Variants in COPB2 observed in about 807,000 individuals in gnomAD.
The protein encoded by COPB2 is coatomer subunit beta'.
COPB2 carries 16 observed loss-of-function variants against 120.8 expected under a neutral mutation model. That is an observed-to-expected ratio of 0.13 (90% CI 0.09 to 0.20). The LOEUF (loss-of-function observed/expected upper bound fraction) is 0.20. COPB2 is among the 10% of genes least tolerant of loss of function. The pLI is 1.00. For synonymous variants in COPB2, 332 were observed against 366.3 expected (o/e 0.91, Z 1.07); for missense variants, 794 against 1,076.5 (o/e 0.74, Z 3.67).
In COPB2 at chr3:139,369,544, C is replaced by T. The variant is rs764862113; in HGVS notation, c.1206G>A (p.Glu402=). The T allele has an allele frequency of 2.5e-6, 4 of 1,584,272 alleles. No individual in the cohort carries two copies. Among genetic ancestry groups the T allele is most frequent in the South Asian group, 1.2e-5 (1 of 86,188 alleles). Residue 402 remains glutamate, a splice_region_variant and synonymous_variant, in exon 11 of 22, where the codon GAG becomes GAA. Transcript: ENST00000333188. ...QEFAWAHDSS[E]YAIRESNSIV... is the part of the protein sequence containing the mutation. The stretch of plus-strand genomic sequence containing the variant: ...TGCTGTTGCTCTCTCTTATTGCATA[C>T]CTGGGAGAAAAAAGGGAAGGCAAAC...
intron 10 of COPB2, among the ~76,000 whole-genome samples, chr3:139,370,974 C>T (rs773177869): frequency 3.9e-5 from 6 of 152,158 alleles, no homozygotes; most frequent in Admixed American, 6.5e-5. Context: ...TATTACACAA[C>T]GCTGAGGCTT....
Position 139,367,024 on chromosome 3 carries a change from T to G in COPB2, c.1667A>C (p.His556Pro). The change falls in exon 14 of 22, where the codon CAC becomes CCC. Residue 556 changes from histidine (H) to proline (P), a missense_variant. Physicochemically the swap from His to Pro is moderately conservative, Grantham distance 77. Transcript: ENST00000333188. ...AATGATACTCAGGTACCTGTCCAAGTGGGCAATGGTGACTATTTCTCCTCC... is the reference window on the plus strand; with the variant it reads ...AATGATACTCAGGTACCTGTCCAAGGGGGCAATGGTGACTATTTCTCCTCC... ...YVGGEIVTIA[H>P]LDRTMYLLGY... 1 of 1,609,504 alleles carries G rather than the reference T, an allele frequency of 6.2e-7. No individual in the cohort carries two copies. The highest frequency in any genetic ancestry group is 8.5e-7 in the Non-Finnish European group (1 of 1,178,768).
intron 5 of COPB2, among the ~76,000 whole-genome samples, chr3:139,376,666 G>A (rs1048791088): frequency 2.0e-5 from 3 of 152,192 alleles, no homozygotes; most frequent in Non-Finnish European, 4.4e-5. Flanking sequence ...TACTAACAGT[G>A]TTTTATATAG....
At chr3:139,374,302 GA>G (rs1941678680) in intron 7 of COPB2, 186 bp downstream of exon 7, 1 of 411,526 alleles carries the variant, frequency 2.4e-6, no homozygotes, top group Non-Finnish European at 4.6e-6. Context: ...TGATGACGAT[GA>G]TGATGATGAT....
intron 21 of COPB2, 80 bp from the exon 22 acceptor site, chr3:139,358,038 G>A (rs113444779): frequency 1.9e-6 from 2 of 1,035,526 alleles, no homozygotes; most frequent in African/African-American, 3.2e-5. Flanking sequence ...GATTCAAAGT[G>A]AGAACTAAGA....
chr3:139,375,402 A>G, intron 6 of COPB2, 66 bp downstream of exon 6: 1 of 1,511,934 alleles, frequency 6.6e-7, no homozygotes, highest in Non-Finnish European at 8.9e-7. Flanking sequence ...CCAAGTCTTA[A>G]CTGTCCTATA....
intron 7 of COPB2, chr3:139,374,193 C>T: frequency 2.4e-6 from 1 of 424,054 alleles, no homozygotes; most frequent in Non-Finnish European, 4.2e-6. Flanking sequence ...TGATTTTGAA[C>T]CCAGGTTTGT....
At chr3:139,373,111 G>A in intron 9 of COPB2, 102 bp downstream of exon 9, 2 of 1,149,282 alleles carry the variant, frequency 1.7e-6, no homozygotes, top group South Asian at 2.6e-5. Context: ...GCACATTGAG[G>A]AATGATTAGA....
chr3:139,377,977 A>T, intron 5 of COPB2, 64 bp downstream of exon 5: 1 of 1,394,594 alleles, frequency 7.2e-7, no homozygotes, highest in Non-Finnish European at 9.5e-7. Context: ...AGTCAACAGT[A>T]AAACACCTAA....
chr3:139,378,319 C>A, intron 4 of COPB2, 130 bp from the exon 5 acceptor site: 1 of 834,234 alleles, frequency 1.2e-6, no homozygotes, highest in African/African-American at 1.7e-5. Context: ...AGAATCAAAA[C>A]CAAATAGAGT....
Position 139,369,512 on chromosome 3 carries a change from T to A in COPB2, c.1238A>T (p.Lys413Met), listed in dbSNP as rs1941584296. ...TTTTTCCTTAAAGTTCTTAAATATC[T>A]TTACAATGCTGTTGCTCTCTCTTAT... Reference protein sequence around the residue: ...YAIRESNSIVKIFKNFKEKKS... With the variant: ...YAIRESNSIVMIFKNFKEKKS... Residue 413 changes from lysine to methionine, a missense_variant, in exon 11 of 22, where the codon AAG becomes ATG. By Grantham distance (95) the Lys-to-Met change is moderately conservative. Around this residue, in one of 3 missense-constraint regions of COPB2, gnomAD observed 610 missense variants for 866.7 expected, o/e 0.70. Transcript: ENST00000333188. 1 of 1,611,876 alleles carries A rather than the reference T, an allele frequency of 6.2e-7. No individual in the cohort carries two copies. Among genetic ancestry groups the A allele is most frequent in the African/African-American group, 1.3e-5 (1 of 74,844 alleles).
In COPB2 at chr3:139,366,456, T is replaced by C. The variant is rs1013144784; in HGVS notation, c.1884+112A>G. On this transcript the variant is annotated intron_variant, in intron 15 of 21. Coordinates refer to ENST00000333188, the MANE Select transcript of COPB2 (RefSeq NM_004766.3). ...CCTTAAACTCACAGGAGAAATTCTA[T>C]TGCCACAGGAAATCAGTTGGCAATT... The C allele has an allele frequency of 2.7e-5, 26 of 956,494 alleles. No homozygotes were observed. In the East Asian group the frequency reaches 5.0e-4, roughly 18 times the overall value. 59.3% of individuals were successfully genotyped at this position (956,494 alleles called of 1,614,324 possible). A position where few individuals can be genotyped will look rare whatever the true frequency, so the allele number is the denominator to read the frequency against.
At chr3:139,366,191 T>TA (rs1464993298) in intron 15 of COPB2, among the ~76,000 whole-genome samples, 1 of 152,204 alleles carries the variant, frequency 6.6e-6, no homozygotes, top group Non-Finnish European at 1.5e-5. Context: ...TAACTTTGCT[T>TA]AAAAAACATT....
chr3:139,389,476 C>A, intron 1 of COPB2, 72 bp downstream of exon 1: 3 of 1,478,328 alleles, frequency 2.0e-6, no homozygotes, highest in Non-Finnish European at 2.7e-6. Flanking sequence ...TACCGCGGCC[C>A]TCAGTCCAGA....
chr3:139,378,388 AAAAT>A (rs1463570541), intron 4 of COPB2, among the ~76,000 whole-genome samples, 199 bp from the exon 5 acceptor site: 1 of 152,220 alleles, frequency 6.6e-6, no homozygotes, highest in Admixed American at 6.5e-5. Context: ...AAGTGGAGAT[AAAAT>A]AAATAAAATA....
chr3:139,358,393 TCTC>T, intron 20 of COPB2, 122 bp from the exon 21 acceptor site: 1 of 891,396 alleles, frequency 1.1e-6, no homozygotes, highest in Admixed American at 2.1e-5. Flanking sequence ...AAGTGAACCA[TCTC>T]AGCCAGGCAC....
At chr3:139,385,365 A>G (rs1286579331) in intron 1 of COPB2, 1 of 152,196 alleles carries the variant, frequency 6.6e-6, no homozygotes. Context: ...ACAAATCACA[A>G]TTTTGTGCCC....
At chr3:139,376,015 G>A (rs548014237) in intron 5 of COPB2, among the ~76,000 whole-genome samples, 3 of 152,296 alleles carry the variant, frequency 2.0e-5, no homozygotes, top group East Asian at 1.9e-4. Context: ...TTAGGAGGCC[G>A]AGATGGAAGT....
intron 17 of COPB2, among the ~76,000 whole-genome samples, chr3:139,360,123 A>G (rs935893635): frequency 4.1e-4 from 63 of 152,134 alleles, no homozygotes; most frequent in African/African-American, 1.5e-3. Context: ...AGGTATATAA[A>G]TTCATAAATA....
Sources: gnomAD v4.1 joint callset for allele counts (sites outside exome capture counted in the v4.1 genomes callset) on GRCh38, gnomAD v4.1.1 for gene constraint, gnomAD v4.1.1 regional missense constraint, MANE v1.5 for transcripts, NCBI Gene and HGNC (gene_info 2026-07-23, HGNC 2026-07-21) for gene names.